Variants in NUMB observed in about 807,000 individuals in gnomAD.
The protein encoded by NUMB is protein numb homolog.
A neutral mutation model predicts 59.7 loss-of-function variants in NUMB; 29 were observed. The ratio of observed to expected loss-of-function variants is 0.49; its 90% CI spans 0.36 to 0.66. The LOEUF (loss-of-function observed/expected upper bound fraction) is 0.66. Ranked by LOEUF, NUMB falls within the 30% of genes least tolerant of loss-of-function variation. The pLI, the probability that NUMB is intolerant of heterozygous loss-of-function variation, is 0.00. For missense variants in NUMB, 723 were observed against 822.0 expected (o/e 0.88, Z 1.47); for synonymous variants, 288 against 288.2 (o/e 1.00, Z 0.01).
chr14:73,294,109 A>G (rs1889592011), intron 7 of NUMB, among the ~76,000 whole-genome samples: 1 of 152,198 alleles, frequency 6.6e-6, no homozygotes, highest in Non-Finnish European at 1.5e-5. Context: ...ATTCCGTTAC[A>G]TTCCTTGGAA....
intron 7 of NUMB, 29 bp downstream of exon 7, chr14:73,297,182 T>C: frequency 6.9e-7 from 1 of 1,447,300 alleles, no homozygotes; most frequent in Non-Finnish European, 9.6e-7. Flanking sequence ...AAAAATAAAA[T>C]AAATCAAAAT....
At chr14:73,287,455 T>C in intron 8 of NUMB, 141 bp from the exon 9 acceptor site, 2 of 692,566 alleles carry the variant, frequency 2.9e-6, no homozygotes, top group Non-Finnish European at 2.4e-6. Context: ...CTCTGCTCAC[T>C]GCAACCTCTG....
chr14:73,347,529 C>G (rs1302221836), intron 4 of NUMB, among the ~76,000 whole-genome samples: 1 of 152,142 alleles, frequency 6.6e-6, no homozygotes, highest in Non-Finnish European at 1.5e-5. Context: ...ATTTTGCATC[C>G]ATTCACTCCT....
chr14:73,457,770 G>A (rs74061133), intron 1 of NUMB: 8,091 of 152,520 alleles, frequency 0.053, 699 homozygotes, highest in African/African-American at 0.18. Flanking sequence ...CTTCCCCCAG[G>A]CGGTGCAAGA....
intron 3 of NUMB, chr14:73,357,198 T>G (rs989058893): frequency 3.9e-5 from 6 of 152,664 alleles, no homozygotes; most frequent in Admixed American, 3.4e-4. Flanking sequence ...AGGTCAGGAG[T>G]TGGAGACCAG....
At chr14:73,287,337 C>G (rs1243644354) in intron 8 of NUMB, 23 bp from the exon 9 acceptor site, 1 of 1,578,934 alleles carries the variant, frequency 6.3e-7, no homozygotes, top group African/African-American at 1.4e-5. Context: ...ATTTTAAAAG[C>G]TTTTCAGAAT....
At chr14:73,359,555 G>A (rs990632823) in intron 3 of NUMB, among the ~76,000 whole-genome samples, 11 of 152,144 alleles carry the variant, frequency 7.2e-5, no homozygotes, top group African/African-American at 2.7e-4. Context: ...ATGAAAAAGG[G>A]CAGAATTGCT....
chr14:73,277,358 T>C (rs1193816643), intron 12 of NUMB, 65 bp from the exon 13 acceptor site: 1 of 1,270,830 alleles, frequency 7.9e-7, no homozygotes, highest in Non-Finnish European at 1.1e-6. Flanking sequence ...CTTATAATCT[T>C]GGTTATTTGA....
intron 6 of NUMB, among the ~76,000 whole-genome samples, chr14:73,312,713 C>CAA (rs544005367): frequency 2.9e-3 from 186 of 64,044 alleles, no homozygotes; most frequent in African/African-American, 4.8e-3. Flanking sequence ...GACCCTGTCT[C>CAA]AAAAAAAAAA....
intron 3 of NUMB, among the ~76,000 whole-genome samples, chr14:73,364,292 T>C (rs1271625261): frequency 2.6e-5 from 4 of 151,870 alleles, no homozygotes; most frequent in Non-Finnish European, 4.4e-5. Flanking sequence ...TAACCTGAGG[T>C]CAGGAGTTCG....
intron 4 of NUMB, among the ~76,000 whole-genome samples, chr14:73,354,438 G>A (rs923340579): frequency 6.6e-6 from 1 of 150,476 alleles, no homozygotes; most frequent in Non-Finnish European, 1.5e-5. Context: ...TTGAACCTAG[G>A]AGACGGAGGT....
At chr14:73,448,316 T>C (rs1184076038) in intron 1 of NUMB, among the ~76,000 whole-genome samples, 1 of 152,216 alleles carries the variant, frequency 6.6e-6, no homozygotes, top group African/African-American at 2.4e-5. Flanking sequence ...TTGTACACCT[T>C]TCATCAGAGA....
chr14:73,421,822 T>C (rs1016106874), intron 1 of NUMB, among the ~76,000 whole-genome samples: 1 of 152,144 alleles, frequency 6.6e-6, no homozygotes, highest in Non-Finnish European at 1.5e-5. Context: ...ACTTTGTGTC[T>C]AAATGTAAAA....
At chr14:73,316,119 C>G (rs1446660516) in intron 6 of NUMB, among the ~76,000 whole-genome samples, 1 of 152,168 alleles carries the variant, frequency 6.6e-6, no homozygotes, top group East Asian at 1.9e-4. Context: ...GATCCACCAG[C>G]CTTGGCCTCC....
chr14:73,405,500 C>A (rs1280787239), intron 2 of NUMB, among the ~76,000 whole-genome samples: 1 of 141,936 alleles, frequency 7.0e-6, no homozygotes, highest in Non-Finnish European at 1.5e-5. Context: ...TGCAGTGGCA[C>A]AATCACAGCT....
intron 4 of NUMB, among the ~76,000 whole-genome samples, chr14:73,330,255 C>G (rs1253220367): frequency 6.6e-6 from 1 of 152,122 alleles, no homozygotes; most frequent in Non-Finnish European, 1.5e-5. Flanking sequence ...TGGTCTCAAA[C>G]TCCTGAGCTC....
Position 73,457,101 on chromosome 14 carries a change from C to G in NUMB, c.-233+1392G>C, listed in dbSNP as rs75419237. Reference sequence around the variant, plus strand: ...AGTAGGAACTATTACTATTAGTATTCTGATGAGGAAACTGCACAGAAACTT... The same window carrying G: ...AGTAGGAACTATTACTATTAGTATTGTGATGAGGAAACTGCACAGAAACTT... On this transcript the variant is annotated intron_variant, in intron 1 of 12. Coordinates refer to ENST00000555238, the MANE Select transcript of NUMB (RefSeq NM_001005743.2). 6.9e-3 allele frequency among the ~76,000 whole-genome samples: 1,044 copies of G among 152,174 alleles called. 6 individuals are homozygous for G. The highest frequency in any genetic ancestry group is 0.03 in the South Asian group (144 of 4,824).
intron 7 of NUMB, among the ~76,000 whole-genome samples, chr14:73,295,728 G>T (rs1889733439): frequency 6.7e-6 from 1 of 149,900 alleles, no homozygotes; most frequent in Admixed American, 6.6e-5. Context: ...TTATCTTCTT[G>T]TTAAATTTCT....
Position 73,395,018 on chromosome 14 carries a change from T to C in NUMB, c.-101+14919A>G, listed in dbSNP as rs142684068. On this transcript the variant is annotated intron_variant, in intron 2 of 12. Coordinates refer to ENST00000555238, the MANE Select transcript of NUMB (RefSeq NM_001005743.2). ...GCAAATGAAAGGATCTCCTTTAAGG[T>C]TGAATAGTATTCGTGTGTTTGTGTG... Among the ~76,000 whole-genome samples, 14 of 148,356 alleles carry C rather than the reference T, an allele frequency of 9.4e-5. No individual in the cohort carries two copies. The East Asian group carries it at 2.2e-3, about 24-fold the overall frequency.
Sources: gnomAD v4.1 joint callset for allele counts (sites outside exome capture counted in the v4.1 genomes callset) on GRCh38, gnomAD v4.1.1 for gene constraint, MANE v1.5 for transcripts, NCBI Gene and HGNC (gene_info 2026-07-23, HGNC 2026-07-21) for gene names.